RTL9: variants seen among roughly 807,000 people sequenced by gnomAD.
RTL9 encodes the protein retrotransposon Gag-like protein 9.
RTL9 carries 19 observed loss-of-function variants against 44.7 expected under a neutral mutation model. The observed-to-expected ratio is 0.42, with a 90% CI of 0.30 to 0.62. The LOEUF (loss-of-function observed/expected upper bound fraction) is 0.62. Ranked by LOEUF, RTL9 falls within the 20% of genes least tolerant of loss-of-function variation. The pLI, the probability that RTL9 is intolerant of heterozygous loss-of-function variation, is 0.16. For missense variants in RTL9, 1,105 were observed against 1,080.6 expected (o/e 1.02, Z -0.32); for synonymous variants, 407 against 398.9 (o/e 1.02, Z -0.24).
chrX:110,372,244 T>C (rs759546037), intron 1 of RTL9, among the ~76,000 whole-genome samples: 6 of 112,694 alleles, frequency 5.3e-5, no homozygotes, highest in Non-Finnish European at 1.1e-4. Context: ...GAGGAGGATA[T>C]AAAATCAAGG....
At chrX:110,429,077 A>T (rs1451292026) in intron 1 of RTL9, among the ~76,000 whole-genome samples, 2 of 111,592 alleles carry the variant, frequency 1.8e-5, no homozygotes, top group Admixed American at 9.5e-5. Context: ...TTCCCTGTAG[A>T]TCCACCCTGT....
chrX:110,413,072 C>T (rs2068652012), intron 1 of RTL9, among the ~76,000 whole-genome samples: 1 of 111,648 alleles, frequency 9.0e-6, no homozygotes, highest in Non-Finnish European at 1.9e-5. Flanking sequence ...CCTCCCTGCT[C>T]GTCATCTGTC....
intron 1 of RTL9, among the ~76,000 whole-genome samples, chrX:110,431,877 A>T (rs1191787311): frequency 9.0e-6 from 1 of 111,555 alleles, no homozygotes; most frequent in African/African-American, 3.3e-5. Flanking sequence ...ACCAGGAGAG[A>T]TTTGGGAGTT....
chrX:110,396,821 A>G (rs1319201111), intron 1 of RTL9, among the ~76,000 whole-genome samples: 2 of 112,193 alleles, frequency 1.8e-5, no homozygotes, highest in East Asian at 5.6e-4. Context: ...TCCTGGGGAC[A>G]GTACCGTGTG....
intron 1 of RTL9, among the ~76,000 whole-genome samples, chrX:110,410,051 G>C (rs2068630969): frequency 8.9e-6 from 1 of 111,964 alleles, no homozygotes; most frequent in African/African-American, 3.2e-5. Context: ...AGTATCACTG[G>C]TGATTTTGAT....
intron 1 of RTL9, among the ~76,000 whole-genome samples, chrX:110,405,447 T>C (rs1163076393): frequency 9.0e-6 from 1 of 111,611 alleles, no homozygotes; most frequent in East Asian, 2.8e-4. Context: ...CTCACCATCT[T>C]ACCATATCCA....
At chrX:110,387,927 T>C (rs973043561) in intron 1 of RTL9, among the ~76,000 whole-genome samples, 5 of 103,365 alleles carry the variant, frequency 4.8e-5, no homozygotes, top group Non-Finnish European at 9.8e-5. Context: ...GGTGGTGCGA[T>C]CTTGGCTCAC....
At chrX:110,384,468 T>A (rs977869880) in intron 1 of RTL9, among the ~76,000 whole-genome samples, 3 of 111,870 alleles carry the variant, frequency 2.7e-5, no homozygotes, top group Non-Finnish European at 3.8e-5. Context: ...ACCTAGCACA[T>A]AATAACATAA....
intron 1 of RTL9, among the ~76,000 whole-genome samples, chrX:110,382,128 C>T (rs1288922574): frequency 1.8e-5 from 2 of 111,941 alleles, no homozygotes; most frequent in Non-Finnish European, 3.8e-5. Context: ...TCACTCCAGG[C>T]CTATGCTTTG....
At chrX:110,401,090 G>A (rs982235775) in intron 1 of RTL9, among the ~76,000 whole-genome samples, 29 of 112,416 alleles carry the variant, frequency 2.6e-4, no homozygotes, top group Admixed American at 8.5e-4. Context: ...TCGTTTTACA[G>A]ATGAAAGTGG....
upstream of RTL9, among the ~76,000 whole-genome samples, chrX:110,446,627 A>G (rs1464502181): frequency 8.9e-6 from 1 of 111,915 alleles, no homozygotes; most frequent in Non-Finnish European, 1.9e-5. Flanking sequence ...CCATCATTCA[A>G]CTGTGGTCAC....
upstream of RTL9, among the ~76,000 whole-genome samples, chrX:110,416,006 C>CA (rs58422043): frequency 0.12 from 8,672 of 74,233 alleles, 383 homozygotes; most frequent in African/African-American, 0.19. Context: ...CCAGAAGAGG[C>CA]AAAAAAAAAA....
intron 1 of RTL9, among the ~76,000 whole-genome samples, chrX:110,428,261 G>A (rs766336402): frequency 4.6e-4 from 51 of 111,483 alleles, no homozygotes; most frequent in East Asian, 1.7e-3. Context: ...CTAGGCTCCC[G>A]CAACAATCTA....
At chrX:110,452,124 A>G in exon 1 of RTL9, 1 of 1,212,170 alleles carries the variant, frequency 8.2e-7, no homozygotes, top group South Asian at 1.8e-5. Flanking sequence ...GCCACTGAGG[A>G]GAGCTCCAAC....
upstream of RTL9, among the ~76,000 whole-genome samples, chrX:110,447,356 G>A (rs2068914394): frequency 9.2e-6 from 1 of 108,926 alleles, no homozygotes; most frequent in African/African-American, 3.4e-5. Flanking sequence ...CCCATTCTTG[G>A]CATATGGGAA....
intron 1 of RTL9, among the ~76,000 whole-genome samples, chrX:110,411,894 G>T (rs948074975): frequency 1.8e-5 from 2 of 112,319 alleles, no homozygotes; most frequent in Non-Finnish European, 3.8e-5. Flanking sequence ...GTGCTAGACT[G>T]GTGCCTGGCA....
intron 1 of RTL9, among the ~76,000 whole-genome samples, chrX:110,401,696 C>T (rs907506371): frequency 8.1e-5 from 9 of 111,433 alleles, no homozygotes; most frequent in Non-Finnish European, 1.7e-4. Flanking sequence ...GGAGTCAGAT[C>T]AATAAGCATT....
intron 1 of RTL9, among the ~76,000 whole-genome samples, chrX:110,411,922 A>G (rs2068644224): frequency 8.9e-6 from 1 of 112,556 alleles, no homozygotes; most frequent in Non-Finnish European, 1.9e-5. Flanking sequence ...GGTACTCAAT[A>G]AATACTTGTT....
chrX:110,374,477 T>G (rs765547519), intron 1 of RTL9, among the ~76,000 whole-genome samples: 6 of 112,163 alleles, frequency 5.3e-5, no homozygotes, highest in Non-Finnish European at 9.4e-5. Flanking sequence ...TATTTGTGAC[T>G]GCATCACCAC....
Sources: allele counts gnomAD v4.1 joint callset (sites outside exome capture counted in the v4.1 genomes callset), GRCh38; gene constraint gnomAD v4.1.1; transcripts MANE v1.5; gene names NCBI Gene and HGNC (gene_info 2026-07-23, HGNC 2026-07-21).